Variants in FBXW8 observed in about 807,000 individuals in gnomAD.
The protein encoded by FBXW8 is F-box and WD repeat domain containing 8.
A neutral mutation model predicts 65.3 loss-of-function variants in FBXW8; 57 were observed. That is an observed-to-expected ratio of 0.87 (90% confidence interval 0.71 to 1.09). The LOEUF (loss-of-function observed/expected upper bound fraction) is 1.09. FBXW8 is among the 50% of genes least tolerant of loss of function. The probability of loss-of-function intolerance (pLI) is 0.00; values close to 1 mark genes in which losing one functional copy is unlikely to be tolerated. For synonymous variants in FBXW8, 308 were observed against 330.2 expected, an observed-to-expected ratio of 0.93 and a Z score of 0.73; for missense variants, 777 against 814.8, an observed-to-expected ratio of 0.95 and a Z score of 0.57.
At chr12:116,938,028 G>T (rs954445957) in intron 2 of FBXW8, among the ~76,000 whole-genome samples, 1 of 152,016 alleles carries the variant, frequency 6.6e-6, no homozygotes, top group Non-Finnish European at 1.5e-5. Context: ...ATTCAGGCTT[G>T]TAAACTTGCT....
chr12:117,008,912 C>T (rs1266220799), intron 7 of FBXW8, among the ~76,000 whole-genome samples: 2 of 152,038 alleles, frequency 1.3e-5, no homozygotes, highest in South Asian at 4.2e-4. Flanking sequence ...ACCAGCCTGG[C>T]CAAAATTAGC....
rs1310272820 is a variant in FBXW8 at position 116,928,026 on chromosome 12, G to A, written c.322G>A (p.Glu108Lys). ...TTTCTTTTTTTTTTCCCCTCAGAAT[G>A]AAATGAATGATGTGCCTTTCTTTGA... is the stretch of plus-strand genomic sequence containing the variant. ...LVDQLIRDLNEMNDVPFFDIQ... is the reference protein window; with the variant it reads ...LVDQLIRDLNKMNDVPFFDIQ... The change falls in exon 2 of 11, where the codon GAA becomes AAA. Residue 108 changes from glutamate (E) to lysine (K), a missense_variant. Physicochemically the swap from Glu to Lys is moderately conservative, Grantham distance 56 (BLOSUM62 1). Coordinates refer to ENST00000652555, the MANE Select transcript of FBXW8 (RefSeq NM_153348.3). The A allele has an allele frequency of 6.4e-7, 1 of 1,571,852 alleles. No homozygotes were observed.
chr12:116,921,879 G>C (rs1342256596), intron 1 of FBXW8, among the ~76,000 whole-genome samples: 5 of 145,712 alleles, frequency 3.4e-5, no homozygotes, highest in Middle Eastern at 3.7e-3. Context: ...GCCTAGGCTG[G>C]AGTGCAGTGG....
chr12:116,927,178 A>G (rs1270871780), intron 1 of FBXW8, among the ~76,000 whole-genome samples: 1 of 152,172 alleles, frequency 6.6e-6, no homozygotes, highest in South Asian at 2.1e-4. Context: ...GGGTACATAC[A>G]TACATACACT....
At chr12:117,003,289 C>T (rs1426444502) in intron 7 of FBXW8, 1 of 152,286 alleles carries the variant, frequency 6.6e-6, no homozygotes, top group Non-Finnish European at 1.5e-5. Context: ...CACCTGTATA[C>T]TGAGCCCCTC....
intron 1 of FBXW8, among the ~76,000 whole-genome samples, chr12:116,913,332 G>A (rs1220298999): frequency 6.6e-6 from 1 of 152,186 alleles, no homozygotes; most frequent in Non-Finnish European, 1.5e-5. Flanking sequence ...TGAACAACCT[G>A]GGGGGTTAGG....
At chr12:117,025,079 A>C (rs1592973846) in intron 9 of FBXW8, among the ~76,000 whole-genome samples, 1 of 152,250 alleles carries the variant, frequency 6.6e-6, no homozygotes, top group Admixed American at 6.5e-5. Flanking sequence ...ACTTGAGCCC[A>C]CCTGCCACCA....
At chr12:117,023,718 C>CT (rs1324022445) in intron 8 of FBXW8, among the ~76,000 whole-genome samples, 2 of 152,206 alleles carry the variant, frequency 1.3e-5, no homozygotes, top group African/African-American at 4.8e-5. Context: ...TGTTCTTTTC[C>CT]TAACCGGGTC....
At chr12:117,024,420 C>G (rs560398620) in intron 9 of FBXW8, 100 bp downstream of exon 9, 27 of 1,376,548 alleles carry the variant, frequency 2.0e-5, no homozygotes, top group Admixed American at 1.2e-4. Context: ...CCCCCTACCC[C>G]CCGGCTTCGC....
intron 1 of FBXW8, among the ~76,000 whole-genome samples, chr12:116,917,788 C>A (rs1288981486): frequency 6.6e-6 from 1 of 152,052 alleles, no homozygotes; most frequent in Non-Finnish European, 1.5e-5. Context: ...GTCAGGAGAT[C>A]AAGACCATCC....
chr12:117,005,024 T>A (rs1953642411), intron 7 of FBXW8, among the ~76,000 whole-genome samples: 1 of 152,354 alleles, frequency 6.6e-6, no homozygotes, highest in Non-Finnish European at 1.5e-5. Context: ...ATGGCAAGGT[T>A]TTCCAGACAT....
At chr12:117,027,759 C>G in intron 10 of FBXW8, among the ~76,000 whole-genome samples, 1 of 152,270 alleles carries the variant, frequency 6.6e-6, no homozygotes, top group East Asian at 1.9e-4. Flanking sequence ...GCTGAGGGGC[C>G]TGCTGTGGTT....
intron 8 of FBXW8, among the ~76,000 whole-genome samples, chr12:117,013,119 T>A (rs1953866099): frequency 6.6e-6 from 1 of 152,132 alleles, no homozygotes; most frequent in African/African-American, 2.4e-5. Context: ...GACGCATGCC[T>A]GTAATCCCAG....
intron 3 of FBXW8, among the ~76,000 whole-genome samples, chr12:116,946,082 G>A (rs1224095595): frequency 6.6e-6 from 1 of 152,192 alleles, no homozygotes; most frequent in African/African-American, 2.4e-5. Context: ...GGAGATAACT[G>A]TCAAGAGCCG....
At chr12:116,968,476 C>G (rs903213255) in intron 5 of FBXW8, among the ~76,000 whole-genome samples, 5 of 152,086 alleles carry the variant, frequency 3.3e-5, no homozygotes, top group Non-Finnish European at 5.9e-5. Context: ...AGAGAGAGTA[C>G]CCCGTTTGCA....
At chr12:117,005,020 A>G (rs990066314) in intron 7 of FBXW8, among the ~76,000 whole-genome samples, 7 of 152,206 alleles carry the variant, frequency 4.6e-5, no homozygotes, top group Non-Finnish European at 8.8e-5. Flanking sequence ...GTAAATGGCA[A>G]GGTTTTCCAG....
chr12:116,962,100 A>C (rs1056898532), intron 4 of FBXW8, among the ~76,000 whole-genome samples: 13 of 152,094 alleles, frequency 8.5e-5, no homozygotes, highest in African/African-American at 3.1e-4. Flanking sequence ...CCCATTGATA[A>C]AAATAAGGAA....
chr12:116,993,665 T>A (rs1953307037), intron 7 of FBXW8, among the ~76,000 whole-genome samples: 1 of 152,196 alleles, frequency 6.6e-6, no homozygotes, highest in Admixed American at 6.5e-5. Context: ...GGATATATAG[T>A]TTGCAAATAT....
intron 4 of FBXW8, among the ~76,000 whole-genome samples, chr12:116,958,217 T>C (rs1026426928): frequency 6.6e-6 from 1 of 152,246 alleles, no homozygotes; most frequent in East Asian, 1.9e-4. Context: ...ACTGTGGGAT[T>C]GAGTTCATTT....
Sources: gnomAD v4.1 joint callset for allele counts (sites outside exome capture counted in the v4.1 genomes callset) on GRCh38, gnomAD v4.1.1 for gene constraint, MANE v1.5 for transcripts, NCBI Gene and HGNC (gene_info 2026-07-23, HGNC 2026-07-21) for gene names.